GRM8: variants seen among roughly 807,000 people sequenced by gnomAD.
GRM8 encodes glutamate metabotropic receptor 8.
A neutral mutation model predicts 87.2 loss-of-function variants in GRM8; 47 were observed. The ratio of observed to expected loss-of-function variants is 0.54; its 90% CI spans 0.43 to 0.69. GRM8 has a LOEUF of 0.69. Ranked by LOEUF, GRM8 falls within the 30% of genes least tolerant of loss-of-function variation. The pLI is 0.00. For synonymous variants in GRM8, 396 were observed against 404.5 expected, an observed-to-expected ratio of 0.98 and a Z score of 0.25; for missense variants, 1,019 against 1,139.2, an observed-to-expected ratio of 0.89 and a Z score of 1.52.
At chr7:126,733,402 T>C (rs17614223) in intron 7 of GRM8, among the ~76,000 whole-genome samples, 2,717 of 150,600 alleles carry the variant, frequency 0.018, 41 homozygotes, top group Non-Finnish European at 0.028. Context: ...GGCTATATGT[T>C]TGGAAATGAA....
chr7:127,236,278 A>G (rs1234577494), intron 2 of GRM8, among the ~76,000 whole-genome samples: 2 of 152,244 alleles, frequency 1.3e-5, no homozygotes, highest in Admixed American at 1.3e-4. Flanking sequence ...AGCAACTCTC[A>G]AAATATAATC....
chr7:127,085,726 T>C (rs539628239), intron 3 of GRM8, among the ~76,000 whole-genome samples: 176 of 152,328 alleles, frequency 1.2e-3, no homozygotes, highest in African/African-American at 4.0e-3. Context: ...GATGGGTAGA[T>C]TGCAAAAATT....
intron 3 of GRM8, among the ~76,000 whole-genome samples, chr7:127,059,535 C>A (rs1001504552): frequency 6.6e-6 from 1 of 152,130 alleles, no homozygotes; most frequent in Admixed American, 6.6e-5. Context: ...CCAGGTTTCA[C>A]CCTATTGGTC....
intron 7 of GRM8, among the ~76,000 whole-genome samples, chr7:126,752,776 C>G (rs908699893): frequency 2.0e-5 from 3 of 152,090 alleles, no homozygotes; most frequent in Non-Finnish European, 4.4e-5. Flanking sequence ...TTCCTAGGCT[C>G]TTATCCTTCT....
chr7:126,597,502 G>A, intron 8 of GRM8, among the ~76,000 whole-genome samples: 1 of 151,956 alleles, frequency 6.6e-6, no homozygotes, highest in Admixed American at 6.6e-5. Flanking sequence ...CCATCCCAGA[G>A]CTTCATTTTA....
At chr7:126,653,289 G>T in intron 7 of GRM8, among the ~76,000 whole-genome samples, 1 of 115,858 alleles carries the variant, frequency 8.6e-6, no homozygotes, top group South Asian at 3.3e-4. Flanking sequence ...GACAGAGTGA[G>T]ATCCTGTCTC....
chr7:126,591,137 C>T (rs777098715), intron 8 of GRM8, among the ~76,000 whole-genome samples: 3 of 151,870 alleles, frequency 2.0e-5, no homozygotes, highest in African/African-American at 4.8e-5. Context: ...AAGAGACTCA[C>T]CTAAAACATA....
At chr7:127,240,700 C>T (rs1262862646) in intron 2 of GRM8, among the ~76,000 whole-genome samples, 3 of 152,082 alleles carry the variant, frequency 2.0e-5, no homozygotes, top group Non-Finnish European at 4.4e-5. Flanking sequence ...AAAAGAGATG[C>T]CTTGGAGCAG....
chr7:126,976,797 G>A (rs1811031990), intron 3 of GRM8, among the ~76,000 whole-genome samples: 1 of 152,122 alleles, frequency 6.6e-6, no homozygotes, highest in African/African-American at 2.4e-5. Context: ...TGGTCATAGA[G>A]AGTATCTGTC....
intron 7 of GRM8, among the ~76,000 whole-genome samples, chr7:126,702,072 A>C (rs1809994618): frequency 6.6e-6 from 1 of 152,208 alleles, no homozygotes. Flanking sequence ...AGCAGGCTCT[A>C]TTTATTCATT....
chr7:127,151,168 T>C (rs1363868270), intron 2 of GRM8, among the ~76,000 whole-genome samples: 1 of 152,010 alleles, frequency 6.6e-6, no homozygotes, highest in Non-Finnish European at 1.5e-5. Flanking sequence ...GGAGACTCTA[T>C]ACTCCAAAAG....
At chr7:126,760,605 A>C (rs765025094) in intron 7 of GRM8, among the ~76,000 whole-genome samples, 1 of 152,080 alleles carries the variant, frequency 6.6e-6, no homozygotes, top group Admixed American at 6.6e-5. Flanking sequence ...ATTTCTAAAA[A>C]TATTTATAAA....
intron 6 of GRM8, among the ~76,000 whole-genome samples, chr7:126,853,115 A>G (rs1422929547): frequency 6.6e-6 from 1 of 152,178 alleles, no homozygotes; most frequent in African/African-American, 2.4e-5. Context: ...ATGGAATAAT[A>G]CCAGTAGTAC....
At chr7:126,439,356 G>A (rs1801192791) in intron 10 of GRM8, among the ~76,000 whole-genome samples, 188 bp from the exon 11 acceptor site, 1 of 152,046 alleles carries the variant, frequency 6.6e-6, no homozygotes, top group Non-Finnish European at 1.5e-5. Flanking sequence ...ACAGCAGACT[G>A]CATTATATAA....
intron 2 of GRM8, among the ~76,000 whole-genome samples, chr7:127,221,894 C>T (rs1355672491): frequency 6.6e-6 from 1 of 152,180 alleles, no homozygotes; most frequent in African/African-American, 2.4e-5. Context: ...AAGTCCCTCC[C>T]TCCTGCCCTC....
At chr7:126,802,033 G>A (rs925106446) in intron 6 of GRM8, among the ~76,000 whole-genome samples, 1 of 152,076 alleles carries the variant, frequency 6.6e-6, no homozygotes, top group Non-Finnish European at 1.5e-5. Flanking sequence ...CGTTTCCCTT[G>A]TTATGTTAGA....
intron 7 of GRM8, among the ~76,000 whole-genome samples, chr7:126,645,488 A>G (rs1373503899): frequency 6.6e-6 from 1 of 152,128 alleles, no homozygotes; most frequent in African/African-American, 2.4e-5. Flanking sequence ...CCCCCTGCCC[A>G]CCAAACAGTC....
Position 127,242,854 on chromosome 7 carries a change from TAG to T in GRM8, c.349_350del (p.Leu117AsnfsTer18). ...TCTCTATTAATGCCTGCACGAATGTTAGAGACTGCTCCAAAGCATAGGTGTCC... is the reference window on the plus strand; with the variant it reads ...TCTCTATTAATGCCTGCACGAATGTTAGACTGCTCCAAAGCATAGGTGTCC... Reference protein sequence around the residue: ...SRDTYALEQSLTFVQALIEKD... With the variant: ...SRDTYALEQSXTFVQALIEKD... On this transcript the variant is annotated frameshift_variant, in exon 2 of 11. Transcript: ENST00000339582. LOFTEE classifies it high-confidence loss of function. 1 of 1,614,174 alleles carries T rather than the reference TAG, an allele frequency of 6.2e-7. No individual in the cohort carries two copies. The highest frequency in any genetic ancestry group is 2.2e-5 in the East Asian group (1 of 44,886).
chr7:127,150,975 A>G (rs955681290), intron 2 of GRM8, among the ~76,000 whole-genome samples: 12 of 151,958 alleles, frequency 7.9e-5, no homozygotes, highest in African/African-American at 2.9e-4. Context: ...TGTTTTTTGC[A>G]GTTTGTACCC....
Sources: gnomAD v4.1 joint callset for allele counts (sites outside exome capture counted in the v4.1 genomes callset) on GRCh38, gnomAD v4.1.1 for gene constraint, MANE v1.5 for transcripts, NCBI Gene and HGNC (gene_info 2026-07-23, HGNC 2026-07-21) for gene names.